Variants in CHD6 observed in about 807,000 individuals in gnomAD.
The protein encoded by CHD6 is ATP-dependent chromatin remodeler CHD6.
CHD6 carries 50 observed loss-of-function variants against 276.9 expected under a neutral mutation model. The observed-to-expected ratio is 0.18, with a 90% CI of 0.14 to 0.23. The LOEUF (loss-of-function observed/expected upper bound fraction) is 0.23. CHD6 is among the 10% of genes least tolerant of loss of function. The probability of loss-of-function intolerance (pLI) is 1.00; values close to 1 mark genes in which losing one functional copy is unlikely to be tolerated. For synonymous variants in CHD6, 1,173 were observed against 1,229.3 expected (o/e 0.95, Z 0.96); for missense variants, 2,564 against 3,365.8 (o/e 0.76, Z 5.89).
At chr20:41,520,047 G>T (rs1237496752) in intron 3 of CHD6, among the ~76,000 whole-genome samples, 3 of 152,196 alleles carry the variant, frequency 2.0e-5, no homozygotes, top group Admixed American at 6.5e-5. Flanking sequence ...AGACATTTAT[G>T]CCGCCAAAAG....
rs2046614487 is a variant in CHD6, at chr20:41,404,579, A to C, written c.*14T>G. Reference sequence around the variant, plus strand: ...AACTTACAAGTCACAATAATTTCTTAAATGAAAAAAGTTCTAATTGGTGTC... The same window carrying C: ...AACTTACAAGTCACAATAATTTCTTCAATGAAAAAAGTTCTAATTGGTGTC... On this transcript the variant is annotated 3_prime_UTR_variant, in exon 37 of 37. Coordinates refer to ENST00000373233, the MANE Select transcript of CHD6 (RefSeq NM_032221.5). 1 of 1,470,092 alleles carries C rather than the reference A, an allele frequency of 6.8e-7. No individual in the cohort carries two copies. The highest frequency in any genetic ancestry group is 1.4e-5 in the African/African-American group (1 of 71,344). 91.1% of individuals were successfully genotyped at this position (1,470,092 alleles called of 1,614,324 possible).
chr20:41,522,374 A>G (rs1157197352), intron 3 of CHD6, among the ~76,000 whole-genome samples: 1 of 129,840 alleles, frequency 7.7e-6, no homozygotes, highest in Non-Finnish European at 1.6e-5. Context: ...AACCAAAAAA[A>G]CCCATTTTGT....
chr20:41,575,562 C>G (rs2045465548), intron 1 of CHD6, among the ~76,000 whole-genome samples: 1 of 152,188 alleles, frequency 6.6e-6, no homozygotes, highest in Admixed American at 6.5e-5. Context: ...ACAGACCAGA[C>G]ATGAGAAGTC....
intron 1 of CHD6, among the ~76,000 whole-genome samples, chr20:41,558,934 G>A (rs1356770229): frequency 1.3e-5 from 2 of 152,066 alleles, no homozygotes; most frequent in Non-Finnish European, 2.9e-5. Context: ...TTATATTACA[G>A]TAATACCTTA....
In CHD6 at chr20:41,452,649, C is replaced by T. The variant is rs951984084; in HGVS notation, c.3323+91G>A. On this transcript the variant is annotated intron_variant, in intron 21 of 36. Coordinates refer to ENST00000373233, the MANE Select transcript of CHD6 (RefSeq NM_032221.5). The surrounding 1 kb of genome is among the most constrained non-coding windows in gnomAD (Gnocchi z 4.2). ...CTTTGCCCTATAATTCCAAAGGTGA[C>T]TGGAGAGACATCCTAGACAAATCTC... 8.6e-7 allele frequency: 1 copy of T among 1,159,934 alleles called. No individual in the cohort carries two copies. The allele number at this position is 1,159,934 out of a possible 1,614,324, so 71.9% of individuals were successfully genotyped here.
chr20:41,590,304 G>A (rs1424529318), intron 1 of CHD6, among the ~76,000 whole-genome samples: 1 of 152,168 alleles, frequency 6.6e-6, no homozygotes, highest in Non-Finnish European at 1.5e-5. Context: ...ACAGGCATGG[G>A]CAAGAACTTC....
intron 1 of CHD6, among the ~76,000 whole-genome samples, chr20:41,552,157 T>A (rs1421376925): frequency 6.6e-6 from 1 of 152,206 alleles, no homozygotes; most frequent in African/African-American, 2.4e-5. Context: ...CTGCCTCAGA[T>A]CTGAAGCTCT....
At chr20:41,554,874 C>T (rs1487890384) in intron 1 of CHD6, among the ~76,000 whole-genome samples, 2 of 152,216 alleles carry the variant, frequency 1.3e-5, no homozygotes, top group Admixed American at 1.3e-4. Flanking sequence ...TCATCATGGC[C>T]TGTTCTCAAT....
intron 34 of CHD6, chr20:41,413,777 G>T: frequency 3.4e-6 from 1 of 290,558 alleles, no homozygotes. Context: ...CATCCTGACT[G>T]CCGGATTCAG....
At chr20:41,428,001 C>A (rs1270666189) in intron 27 of CHD6, among the ~76,000 whole-genome samples, 1 of 152,042 alleles carries the variant, frequency 6.6e-6, no homozygotes, top group Non-Finnish European at 1.5e-5. Flanking sequence ...TCCTTCGTGC[C>A]ATGTAGTGGT....
chr20:41,417,287 T>A lies in CHD6; in HGVS notation c.6190A>T (p.Ile2064Phe). 6.2e-7 allele frequency: 1 copy of A among 1,614,186 alleles called. No homozygotes were observed. The highest frequency in any genetic ancestry group is 8.5e-7 in the Non-Finnish European group (1 of 1,180,012). ...CGAGCCTCCTGTAGCTCATCCCCAA[T>A]GTCTCCTGTGATGCCCGATGTTGAG... is the stretch of plus-strand genomic sequence containing the variant. ...KSSTSGITGDIGDELQEARAP... is the reference protein window; with the variant it reads ...KSSTSGITGDFGDELQEARAP... The change falls in exon 32 of 37, where the codon ATT becomes TTT. Residue 2064 changes from isoleucine to phenylalanine, a missense_variant. Physicochemically the swap from Ile to Phe is conservative, Grantham distance 21. Transcript: ENST00000373233.
rs1440547914 is a variant in CHD6, at chr20:41,416,603, C to T, written c.6471G>A (p.Ala2157=). 1.1e-5 allele frequency: 17 copies of T among 1,611,750 alleles called. No homozygotes were observed. Among genetic ancestry groups the T allele is most frequent in the East Asian group, 2.2e-5 (1 of 44,866 alleles). ...GCCGGCTCACCTTGTGGATCTGGGCCGCCAATGCTGCGCCGTTGCTGAAGC... is the reference window on the plus strand; with the variant it reads ...GCCGGCTCACCTTGTGGATCTGGGCTGCCAATGCTGCGCCGTTGCTGAAGC... ...EHSFSNGAAL[A]AQIHKESFLA... Residue 2157 remains alanine (A), a synonymous_variant, in exon 33 of 37, where the codon GCG becomes GCA. Transcript: ENST00000373233.
At chr20:41,469,962 G>A (rs999861146) in intron 17 of CHD6, among the ~76,000 whole-genome samples, 10 of 152,232 alleles carry the variant, frequency 6.6e-5, no homozygotes, top group Admixed American at 2.6e-4. Context: ...GAGGACAGGA[G>A]GATTTGGGAA....
In CHD6 at chr20:41,416,820, G is replaced by A. The variant is rs774762673; in HGVS notation, c.6280-26C>T. 3.0e-5 allele frequency: 44 copies of A among 1,483,650 alleles called. No individual in the cohort carries two copies. In the African/African-American group the frequency reaches 5.4e-4, roughly 18 times the overall value. 91.9% of individuals were successfully genotyped at this position (1,483,650 alleles called of 1,614,324 possible). The stretch of plus-strand genomic sequence containing the variant: ...CTAGAAAAAAGGATAAAGCTCTGAT[G>A]AATAAGGATCGAGTTACCTAAATTC... On this transcript the variant is annotated intron_variant, in intron 32 of 36. Coordinates refer to ENST00000373233, the MANE Select transcript of CHD6 (RefSeq NM_032221.5).
intron 2 of CHD6, among the ~76,000 whole-genome samples, chr20:41,548,735 A>G (rs572656430): frequency 6.6e-6 from 1 of 152,186 alleles, no homozygotes; most frequent in East Asian, 1.9e-4. Flanking sequence ...AAATTTTCGC[A>G]ACCTACTCAT....
At chr20:41,429,985 T>A (rs2047484380) in intron 27 of CHD6, among the ~76,000 whole-genome samples, 1 of 152,242 alleles carries the variant, frequency 6.6e-6, no homozygotes. Flanking sequence ...AGGCTCTTTT[T>A]ATACAATGCT....
rs1445018082 is a variant in CHD6 at position 41,404,186 on chromosome 20, A to C, written c.*407T>G. The C allele has an allele frequency of 3.8e-6, 4 of 1,065,258 alleles. No individual in the cohort carries two copies. Among genetic ancestry groups the C allele is most frequent in the Non-Finnish European group, 4.5e-6 (4 of 880,084 alleles). The allele number at this position is 1,065,258 out of a possible 1,614,324, so 66.0% of individuals were successfully genotyped here. On this transcript the variant is annotated 3_prime_UTR_variant, in exon 37 of 37. Transcript: ENST00000373233. Reference sequence around the variant, plus strand: ...CTGTGACATTCTTCCTGTGCAACCCAGCTCACAGAAAAAGAGCTCCTCTTT... The same window carrying C: ...CTGTGACATTCTTCCTGTGCAACCCCGCTCACAGAAAAAGAGCTCCTCTTT...
chr20:41,548,533 T>C (rs925590343), intron 2 of CHD6, among the ~76,000 whole-genome samples: 15 of 152,214 alleles, frequency 9.9e-5, no homozygotes, highest in African/African-American at 3.4e-4. Flanking sequence ...CCTAAAACCA[T>C]AAAAACGCTA....
intron 2 of CHD6, among the ~76,000 whole-genome samples, chr20:41,542,192 G>A (rs1291275504): frequency 6.6e-6 from 1 of 152,190 alleles, no homozygotes; most frequent in African/African-American, 2.4e-5. Flanking sequence ...ACATCTTTTA[G>A]AATTATTTGG....
Sources: gnomAD v4.1 joint callset for allele counts (sites outside exome capture counted in the v4.1 genomes callset) on GRCh38, gnomAD v4.1.1 for gene constraint, Gnocchi (gnomAD v3.1) non-coding constraint, MANE v1.5 for transcripts, NCBI Gene and HGNC (gene_info 2026-07-23, HGNC 2026-07-21) for gene names.